The following SPTBN4 variants were observed in gnomAD, a reference collection of about 807,000 sequenced individuals.
SPTBN4 encodes the protein spectrin beta, non-erythrocytic 4.
A neutral mutation model predicts 277.8 loss-of-function variants in SPTBN4; 96 were observed. That is an observed-to-expected ratio of 0.35 (90% confidence interval 0.29 to 0.41). The LOEUF is 0.41. Ranked by LOEUF, SPTBN4 falls within the 10% of genes least tolerant of loss-of-function variation. The pLI is 1.00. For synonymous variants in SPTBN4, 1,481 were observed against 1,580.3 expected (o/e 0.94, Z 1.49); for missense variants, 3,006 against 3,595.7 (o/e 0.84, Z 4.19).
chr19:40,558,737 A>T (rs942232010), intron 26 of SPTBN4, among the ~76,000 whole-genome samples: 3 of 150,500 alleles, frequency 2.0e-5, no homozygotes, highest in African/African-American at 7.3e-5. Context: ...CCTTCCAAAT[A>T]GCTGGGATTA....
chr19:40,500,204 C>T (rs2080249162), intron 7 of SPTBN4, among the ~76,000 whole-genome samples: 1 of 152,084 alleles, frequency 6.6e-6, no homozygotes, highest in Non-Finnish European at 1.5e-5. Context: ...AAGCAAAAAA[C>T]AACAACCAAT....
At chr19:40,500,667 A>G (rs1335488264) in intron 7 of SPTBN4, among the ~76,000 whole-genome samples, 1 of 152,150 alleles carries the variant, frequency 6.6e-6, no homozygotes, top group East Asian at 1.9e-4. Context: ...TTTATAAAAA[A>G]TAAAAAGTCT....
chr19:40,546,998 A>G (rs188642296), intron 20 of SPTBN4, among the ~76,000 whole-genome samples: 3 of 151,906 alleles, frequency 2.0e-5, no homozygotes, highest in Admixed American at 6.6e-5. Flanking sequence ...TTCTAACTCT[A>G]TGAAATTTTG....
intron 7 of SPTBN4, among the ~76,000 whole-genome samples, chr19:40,500,184 C>T (rs1466305043): frequency 2.6e-5 from 4 of 151,628 alleles, no homozygotes; most frequent in Non-Finnish European, 4.4e-5. Context: ...ACCCCAGATC[C>T]CAACTCAAAA....
chr19:40,489,959 T>C, intron 3 of SPTBN4, 116 bp from the exon 4 acceptor site: 1 of 1,080,288 alleles, frequency 9.3e-7, no homozygotes, highest in Non-Finnish European at 1.3e-6. Context: ...AGCCTGATCC[T>C]GGACACTCAG....
intron 3 of SPTBN4, among the ~76,000 whole-genome samples, chr19:40,488,591 G>C (rs2080099873): frequency 6.6e-6 from 1 of 152,140 alleles, no homozygotes; most frequent in South Asian, 2.1e-4. Flanking sequence ...AGGAGTTTCA[G>C]AACAGCCCGG....
chr19:40,509,451 G>A (rs1405018355), intron 13 of SPTBN4, among the ~76,000 whole-genome samples: 2 of 152,040 alleles, frequency 1.3e-5, no homozygotes, highest in South Asian at 2.1e-4. Flanking sequence ...CTCCATGTTG[G>A]TCAGGCTGGT....
intron 7 of SPTBN4, among the ~76,000 whole-genome samples, chr19:40,498,404 TA>T (rs1481816535): frequency 1.3e-4 from 20 of 150,238 alleles, no homozygotes; most frequent in Non-Finnish European, 2.5e-4. Context: ...TTTATTTATT[TA>T]TTTATTTATT....
rs1258217368 is a variant in SPTBN4, at chr19:40,487,853, G to A, written c.321+5G>A. 6.3e-7 allele frequency: 1 copy of A among 1,597,508 alleles called. No individual in the cohort carries two copies. The highest frequency in any genetic ancestry group is 8.5e-7 in the Non-Finnish European group (1 of 1,172,822). ...GTGCTGTCTGGGGAGCAGCTGGTGA[G>A]GGGGCCTGAAGGGCTGGGGCAGGGG... On this transcript the variant is annotated splice_donor_5th_base_variant and intron_variant, in intron 3 of 35. Transcript: ENST00000598249.
chr19:40,540,325 T>C lies in SPTBN4; in HGVS notation c.4359+5982T>C, dbSNP rs2080785686. 2.0e-5 allele frequency among the ~76,000 whole-genome samples: 3 copies of C among 152,196 alleles called. No individual in the cohort carries two copies. The South Asian group carries it at 6.2e-4, about 31-fold the overall frequency. ...TCACCTTCCCTTTGGTTGTTACTTA[T>C]GTGATACACGGTTACTTCATTTGTT... On this transcript the variant is annotated intron_variant, in intron 20 of 35. Transcript: ENST00000598249.
intron 20 of SPTBN4, among the ~76,000 whole-genome samples, chr19:40,540,174 G>T (rs182375967): frequency 2.0e-5 from 3 of 151,008 alleles, no homozygotes; most frequent in Admixed American, 6.6e-5. Flanking sequence ...TGATCCGCCC[G>T]CCTCGGCCTC....
intron 32 of SPTBN4, 52 bp from the exon 33 acceptor site, chr19:40,570,383 AC>A (rs1309935490): frequency 5.0e-6 from 6 of 1,207,766 alleles, no homozygotes; most frequent in African/African-American, 4.9e-5. Context: ...CAAACAGATG[AC>A]CCCCACACCC....
chr19:40,514,868 G>A (rs986084576), intron 14 of SPTBN4, among the ~76,000 whole-genome samples: 2 of 152,196 alleles, frequency 1.3e-5, no homozygotes, highest in Non-Finnish European at 2.9e-5. Context: ...ACTTTGGGAG[G>A]CCAAGGCAGG....
At position 40,566,368 on chromosome 19, in the gene SPTBN4, C is replaced by A; in HGVS notation, c.6336+9C>A. 1 of 1,521,050 alleles carries A rather than the reference C, an allele frequency of 6.6e-7. No individual in the cohort carries two copies. Among genetic ancestry groups the A allele is most frequent in the Non-Finnish European group, 8.8e-7 (1 of 1,132,252 alleles). 94.2% of individuals were successfully genotyped at this position (1,521,050 alleles called of 1,614,324 possible). On this transcript the variant is annotated intron_variant, in intron 30 of 35. Coordinates refer to ENST00000598249, the MANE Select transcript of SPTBN4 (RefSeq NM_020971.3). ...TGCGGCGCCTGACCACGGTCAGCTC[C>A]CCAGATACTGCCCCATTACCCCCAC...
intron 18 of SPTBN4, among the ~76,000 whole-genome samples, chr19:40,531,337 C>A (rs996054960): frequency 1.3e-5 from 2 of 151,876 alleles, no homozygotes; most frequent in Non-Finnish European, 2.9e-5. Flanking sequence ...GTGATGCTGT[C>A]CTGGACCCCT....
intron 4 of SPTBN4, among the ~76,000 whole-genome samples, chr19:40,492,538 G>A (rs1273393824): frequency 6.6e-6 from 1 of 152,136 alleles, no homozygotes; most frequent in African/African-American, 2.4e-5. Context: ...CTTTTACCTT[G>A]AATGAAACAG....
intron 17 of SPTBN4, among the ~76,000 whole-genome samples, chr19:40,526,039 A>ACTGGGGCC (rs908266142): frequency 1.3e-5 from 2 of 152,056 alleles, no homozygotes; most frequent in African/African-American, 2.4e-5. Context: ...AGAGCTGGGG[A>ACTGGGGCC]CTGGGGCCCT....
intron 35 of SPTBN4, 114 bp from the exon 36 acceptor site, chr19:40,575,297 T>C: frequency 7.8e-7 from 1 of 1,288,046 alleles, no homozygotes; most frequent in Non-Finnish European, 1.0e-6. Context: ...TCATCATCCC[T>C]TTTTAATAGA....
At chr19:40,474,896 A>G (rs957116685) in intron 2 of SPTBN4, among the ~76,000 whole-genome samples, 5 of 152,024 alleles carry the variant, frequency 3.3e-5, no homozygotes, top group Non-Finnish European at 5.9e-5. Flanking sequence ...CCGTCTCAAA[A>G]CAAAACAAAA....
Sources: gnomAD v4.1 joint callset for allele counts (sites outside exome capture counted in the v4.1 genomes callset) on GRCh38, gnomAD v4.1.1 for gene constraint, MANE v1.5 for transcripts, NCBI Gene and HGNC (gene_info 2026-07-23, HGNC 2026-07-21) for gene names.